WDR7: variants seen among roughly 807,000 people sequenced by gnomAD.
The protein encoded by WDR7 is WD repeat-containing protein 7.
WDR7 carries 46 observed loss-of-function variants against 169.4 expected under a neutral mutation model. The ratio of observed to expected loss-of-function variants is 0.27; its 90% confidence interval spans 0.21 to 0.35. The LOEUF (loss-of-function observed/expected upper bound fraction) is 0.35. Ranked by LOEUF, WDR7 falls within the 10% of genes least tolerant of loss-of-function variation. The probability of loss-of-function intolerance (pLI) is 1.00; values close to 1 mark genes in which losing one functional copy is unlikely to be tolerated. For missense variants in WDR7, 1,534 were observed against 1,859.3 expected, an observed-to-expected ratio of 0.83 and a Z score of 3.22; for synonymous variants, 612 against 666.8, an observed-to-expected ratio of 0.92 and a Z score of 1.27.
rs553663218 is a variant in WDR7 at position 56,935,054 on chromosome 18, A to C, written c.3714-734A>C. ...AGAGGTGGGGAGTGAATATAGCATC[A>C]CTCTCCTATCATGACCCTGGCATTC... On this transcript the variant is annotated intron_variant, in intron 22 of 27. Transcript: ENST00000254442. 6.9e-4 allele frequency among the ~76,000 whole-genome samples: 104 copies of C among 151,340 alleles called. 1 individual carries two copies. Among genetic ancestry groups the C allele is most frequent in the Non-Finnish European group, 4.4e-5 (3 of 67,738 alleles).
chr18:56,766,231 G>T (rs1242468532), intron 16 of WDR7, among the ~76,000 whole-genome samples: 1 of 152,100 alleles, frequency 6.6e-6, no homozygotes, highest in Non-Finnish European at 1.5e-5. Flanking sequence ...CAGTTTGATT[G>T]TGTGGTTCTT....
chr18:56,832,863 A>G (rs989161986), intron 20 of WDR7, among the ~76,000 whole-genome samples: 1 of 152,166 alleles, frequency 6.6e-6, no homozygotes, highest in Admixed American at 6.5e-5. Context: ...AAGTAGATAA[A>G]TCCATGAAGA....
chr18:56,778,094 A>G (rs918667552), intron 17 of WDR7, among the ~76,000 whole-genome samples: 5 of 152,142 alleles, frequency 3.3e-5, no homozygotes, highest in African/African-American at 1.2e-4. Context: ...ATCTCCCTCT[A>G]TTATAAAGAA....
At chr18:56,864,220 A>T (rs1260126399) in intron 20 of WDR7, among the ~76,000 whole-genome samples, 1 of 151,688 alleles carries the variant, frequency 6.6e-6, no homozygotes, top group African/African-American at 2.4e-5. Context: ...ATGTGTATTT[A>T]AAAAACCTAA....
In WDR7 at chr18:56,731,592, G is replaced by T; in HGVS notation, c.1984G>T (p.Asp662Tyr). The change falls in exon 14 of 28, where the codon GAC becomes TAC. Residue 662 changes from aspartate (D) to tyrosine (Y), a missense_variant. Asp to Tyr is a radical substitution (Grantham distance 160). Coordinates refer to ENST00000254442, the MANE Select transcript of WDR7 (RefSeq NM_015285.3). ...TAACCTCTTGGCTTCTGAGGCATCT[G>T]ACAAGGTAAGTTTTATATGTGGGCC... ...ATNLLASEAS[D>Y]KGNLPKYSHN... is the part of the protein sequence containing the mutation. 6.2e-7 allele frequency: 1 copy of T among 1,613,656 alleles called. No homozygotes were observed. Among genetic ancestry groups the T allele is most frequent in the South Asian group, 1.1e-5 (1 of 91,056 alleles).
intron 9 of WDR7, among the ~76,000 whole-genome samples, chr18:56,693,571 TTG>T (rs144220353): frequency 0.036 from 2,088 of 57,704 alleles, 323 homozygotes; most frequent in African/African-American, 0.05. Flanking sequence ...GTTTTTTTTT[TTG>T]TTTTTTTTTT....
intron 25 of WDR7, among the ~76,000 whole-genome samples, chr18:56,952,234 G>A (rs971409974): frequency 6.6e-6 from 1 of 152,158 alleles, no homozygotes; most frequent in African/African-American, 2.4e-5. Flanking sequence ...AGGTGGTGAG[G>A]GCTCCCGCCT....
At chr18:56,715,892 T>C (rs575743186) in intron 12 of WDR7, among the ~76,000 whole-genome samples, 1 of 152,310 alleles carries the variant, frequency 6.6e-6, no homozygotes, top group Admixed American at 6.5e-5. Flanking sequence ...TAACCATTAA[T>C]GTAGCAACCA....
intron 20 of WDR7, among the ~76,000 whole-genome samples, chr18:56,862,116 C>T (rs185149131): frequency 1.4e-4 from 21 of 151,918 alleles, no homozygotes; most frequent in East Asian, 1.2e-3. Flanking sequence ...TATAAATTAA[C>T]GAAGAAAAAT....
intron 20 of WDR7, among the ~76,000 whole-genome samples, chr18:56,862,402 CTTAAT>C (rs755663004): frequency 6.6e-6 from 1 of 151,108 alleles, no homozygotes; most frequent in Non-Finnish European, 1.5e-5. Flanking sequence ...TTTTATTTAT[CTTAAT>C]TTTATACAGT....
chr18:56,817,999 T>G (rs2045012503), intron 20 of WDR7, among the ~76,000 whole-genome samples: 1 of 152,210 alleles, frequency 6.6e-6, no homozygotes, highest in African/African-American at 2.4e-5. Context: ...TGCCTCGGTC[T>G]CCCAAAGTGC....
chr18:56,993,263 A>G (rs1485683632), intron 26 of WDR7, among the ~76,000 whole-genome samples: 1 of 152,228 alleles, frequency 6.6e-6, no homozygotes, highest in African/African-American at 2.4e-5. Context: ...AAGAATTTGG[A>G]ATTGAGAAAA....
intron 19 of WDR7, among the ~76,000 whole-genome samples, chr18:56,797,355 C>T (rs1034324024): frequency 1.6e-4 from 24 of 152,040 alleles, no homozygotes; most frequent in Non-Finnish European, 3.4e-4. Context: ...ACAACAACAA[C>T]AATAACAACA....
chr18:56,821,367 T>C (rs904845885), intron 20 of WDR7, among the ~76,000 whole-genome samples: 1 of 152,118 alleles, frequency 6.6e-6, no homozygotes, highest in Admixed American at 6.6e-5. Flanking sequence ...GATATGTAGT[T>C]GAGGAAACAA....
At chr18:56,702,340 A>G (rs1391060959) in intron 12 of WDR7, among the ~76,000 whole-genome samples, 1 of 152,132 alleles carries the variant, frequency 6.6e-6, no homozygotes, top group Non-Finnish European at 1.5e-5. Context: ...TTGTATTTCC[A>G]CATAGGTTAC....
chr18:56,966,134 T>G (rs1208156673), intron 26 of WDR7, among the ~76,000 whole-genome samples: 1 of 152,100 alleles, frequency 6.6e-6, no homozygotes, highest in Non-Finnish European at 1.5e-5. Context: ...AGGGAGAGAC[T>G]CCAGCTCCTA....
chr18:57,004,489 C>G (rs1321160876), intron 26 of WDR7, among the ~76,000 whole-genome samples: 1 of 152,114 alleles, frequency 6.6e-6, no homozygotes. Context: ...GCCCAGAAAT[C>G]TATCTGTCGC....
At chr18:56,874,139 TC>T (rs2145454409) in intron 20 of WDR7, among the ~76,000 whole-genome samples, 1 of 152,332 alleles carries the variant, frequency 6.6e-6, no homozygotes, top group South Asian at 2.1e-4. Context: ...GAGCTTTTCC[TC>T]CTTGTGCCTG....
At chr18:56,689,698 C>T (rs975024575) in intron 7 of WDR7, among the ~76,000 whole-genome samples, 6 of 152,094 alleles carry the variant, frequency 3.9e-5, no homozygotes, top group African/African-American at 1.4e-4. Flanking sequence ...ATAATTCATT[C>T]GTCTGTTGTC....
Sources: gnomAD v4.1 joint callset for allele counts (sites outside exome capture counted in the v4.1 genomes callset) on GRCh38, gnomAD v4.1.1 for gene constraint, MANE v1.5 for transcripts, NCBI Gene and HGNC (gene_info 2026-07-23, HGNC 2026-07-21) for gene names.